Variants in KCNT2 observed in about 807,000 individuals in gnomAD.
KCNT2 encodes the protein potassium channel subfamily T member 2.
Under a neutral mutation model 153.8 loss-of-function variants are expected in KCNT2, and 67 were observed. The observed-to-expected ratio is 0.44, with a 90% CI of 0.36 to 0.53. The LOEUF is 0.53. Among genes scored for constraint, KCNT2 ranks in the 20% least tolerant of loss-of-function variants. The probability of loss-of-function intolerance (pLI) is 0.00; values close to 1 mark genes in which losing one functional copy is unlikely to be tolerated. For synonymous variants in KCNT2, 500 were observed against 458.8 expected (o/e 1.09, Z -1.15); for missense variants, 975 against 1,354.8 (o/e 0.72, Z 4.40).
chr1:196,488,401 A>G (rs1679600706), intron 3 of KCNT2, among the ~76,000 whole-genome samples: 1 of 152,012 alleles, frequency 6.6e-6, no homozygotes, highest in Admixed American at 6.6e-5. Flanking sequence ...CTGATTTTTC[A>G]AATGTATATC....
At chr1:196,604,559 G>A (rs898770471) in intron 1 of KCNT2, among the ~76,000 whole-genome samples, 1 of 152,080 alleles carries the variant, frequency 6.6e-6, no homozygotes, top group African/African-American at 2.4e-5. Context: ...CACAGAAGTA[G>A]TGTTATCCAT....
chr1:196,332,913 T>A (rs1664608921), intron 17 of KCNT2, among the ~76,000 whole-genome samples: 1 of 151,574 alleles, frequency 6.6e-6, no homozygotes, highest in South Asian at 2.1e-4. Flanking sequence ...GCCTTCCAAG[T>A]AGGTAGGATT....
intron 14 of KCNT2, among the ~76,000 whole-genome samples, chr1:196,342,681 T>C (rs995679775): frequency 2.0e-5 from 3 of 151,898 alleles, no homozygotes; most frequent in East Asian, 1.9e-4. Flanking sequence ...AGGTATTTTA[T>C]TTTGCTTTAT....
At chr1:196,469,979 G>T (rs757633965) in intron 5 of KCNT2, among the ~76,000 whole-genome samples, 19 of 152,116 alleles carry the variant, frequency 1.2e-4, no homozygotes, top group Non-Finnish European at 2.2e-4. Context: ...AGGCCCCAAA[G>T]GTTTAAAAAC....
At chr1:196,444,107 AGAGT>A (rs1408961105) in intron 8 of KCNT2, among the ~76,000 whole-genome samples, 1 of 151,352 alleles carries the variant, frequency 6.6e-6, no homozygotes, top group Non-Finnish European at 1.5e-5. Flanking sequence ...AGAGAGAGAG[AGAGT>A]ATGTGTGTGT....
At chr1:196,395,940 A>T (rs1051179796) in intron 13 of KCNT2, among the ~76,000 whole-genome samples, 1 of 151,686 alleles carries the variant, frequency 6.6e-6, no homozygotes, top group Non-Finnish European at 1.5e-5. Flanking sequence ...AATATCATAA[A>T]TATTGTCAAG....
At chr1:196,286,053 GA>G (rs1659625946) in intron 22 of KCNT2, among the ~76,000 whole-genome samples, 1 of 151,282 alleles carries the variant, frequency 6.6e-6, no homozygotes, top group Admixed American at 6.6e-5. Flanking sequence ...AAAAATCATT[GA>G]AAAAAATGTG....
chr1:196,470,572 TC>T (rs1443224717), intron 5 of KCNT2, among the ~76,000 whole-genome samples: 1 of 152,060 alleles, frequency 6.6e-6, no homozygotes, highest in African/African-American at 2.4e-5. Flanking sequence ...ATTCAAAGGC[TC>T]CAGATAGGCC....
chr1:196,369,423 C>A (rs1020390846), intron 14 of KCNT2, among the ~76,000 whole-genome samples: 10 of 151,948 alleles, frequency 6.6e-5, no homozygotes, highest in Admixed American at 6.6e-4. Context: ...GTGCTGCACC[C>A]ACTAACTCGT....
At chr1:196,422,052 GTT>G (rs1673254318) in intron 12 of KCNT2, among the ~76,000 whole-genome samples, 1 of 151,950 alleles carries the variant, frequency 6.6e-6, no homozygotes. Flanking sequence ...GGTACTAAGG[GTT>G]GGGACTTCAA....
At chr1:196,294,303 A>G (rs1036318896) in intron 22 of KCNT2, among the ~76,000 whole-genome samples, 1 of 152,066 alleles carries the variant, frequency 6.6e-6, no homozygotes, top group Non-Finnish European at 1.5e-5. Context: ...TTGAGACTGA[A>G]TCTCGCTCTG....
chr1:196,475,353 G>T (rs1385946960), intron 5 of KCNT2, among the ~76,000 whole-genome samples: 1 of 152,078 alleles, frequency 6.6e-6, no homozygotes, highest in Non-Finnish European at 1.5e-5. Flanking sequence ...GGTGGCTCAT[G>T]CCTATAATCC....
intron 8 of KCNT2, among the ~76,000 whole-genome samples, chr1:196,438,079 C>A (rs993544005): frequency 6.6e-6 from 1 of 151,554 alleles, no homozygotes; most frequent in African/African-American, 2.4e-5. Context: ...ATTAACTTCC[C>A]ATTGGCTATA....
At chr1:196,579,182 C>T (rs894151975) in intron 1 of KCNT2, among the ~76,000 whole-genome samples, 3 of 151,990 alleles carry the variant, frequency 2.0e-5, no homozygotes, top group Admixed American at 6.6e-5. Flanking sequence ...TTCCTTTTTC[C>T]CCCATTTTGT....
chr1:196,302,869 CA>C (rs1280258632), intron 22 of KCNT2, among the ~76,000 whole-genome samples: 1 of 152,034 alleles, frequency 6.6e-6, no homozygotes, highest in Non-Finnish European at 1.5e-5. Flanking sequence ...GAATTTTCCA[CA>C]GCTTTATAAC....
chr1:196,464,833 A>G (rs1425177568), intron 8 of KCNT2, among the ~76,000 whole-genome samples: 1 of 151,980 alleles, frequency 6.6e-6, no homozygotes, highest in Non-Finnish European at 1.5e-5. Context: ...CACTGTCCAT[A>G]AATCTGCCCT....
chr1:196,352,070 G>C (rs1325043397), intron 14 of KCNT2, among the ~76,000 whole-genome samples: 4 of 152,146 alleles, frequency 2.6e-5, no homozygotes, highest in Non-Finnish European at 5.9e-5. Context: ...TGACCATGGT[G>C]GATAAGCTTT....
At chr1:196,561,009 T>C (rs1178007014) in intron 1 of KCNT2, among the ~76,000 whole-genome samples, 2 of 151,900 alleles carry the variant, frequency 1.3e-5, no homozygotes, top group Non-Finnish European at 2.9e-5. Context: ...TGTTTTTCCA[T>C]GTGAAAAGAG....
chr1:196,590,861 C>T (rs1465216653), intron 1 of KCNT2, among the ~76,000 whole-genome samples: 1 of 152,108 alleles, frequency 6.6e-6, no homozygotes, highest in Non-Finnish European at 1.5e-5. Flanking sequence ...TGCAGTGGCT[C>T]ATGCCTGTAA....
Sources: gnomAD v4.1 joint callset for allele counts (sites outside exome capture counted in the v4.1 genomes callset) on GRCh38, gnomAD v4.1.1 for gene constraint, MANE v1.5 for transcripts, NCBI Gene and HGNC (gene_info 2026-07-23, HGNC 2026-07-21) for gene names.